ZMAT4: variants seen among roughly 807,000 people sequenced by gnomAD.
The protein encoded by ZMAT4 is zinc finger matrin-type 4, also known as zinc finger matrin-type protein 4.
Under a neutral mutation model 28.7 loss-of-function variants are expected in ZMAT4, and 17 were observed. The observed-to-expected ratio is 0.59, with a 90% CI of 0.41 to 0.89. The LOEUF is 0.89. Among genes scored for constraint, ZMAT4 ranks in the 40% least tolerant of loss-of-function variants. The pLI is 0.00. For synonymous variants in ZMAT4, 117 were observed against 109.2 expected (o/e 1.07, Z -0.44); for missense variants, 240 against 283.8 (o/e 0.85, Z 1.11).
intron 1 of ZMAT4, among the ~76,000 whole-genome samples, chr8:40,882,046 A>G (rs1563264548): frequency 6.6e-6 from 1 of 152,130 alleles, no homozygotes; most frequent in Non-Finnish European, 1.5e-5. Context: ...AAAGGTGAGG[A>G]GGGAGGGCAT....
chr8:40,627,414 G>A lies in ZMAT4; in HGVS notation c.578-46153C>T, dbSNP rs866729566. Among the ~76,000 whole-genome samples the A allele has an allele frequency of 1.1e-4, 17 of 151,936 alleles. No homozygotes were observed. The East Asian group carries it at 1.2e-3, about 10-fold the overall frequency. Reference sequence around the variant, plus strand: ...CACAAACACACACATACACACAAACGTGTATATACATATATGTGTTCATGT... The same window carrying A: ...CACAAACACACACATACACACAAACATGTATATACATATATGTGTTCATGT... On this transcript the variant is annotated intron_variant, in intron 5 of 6. Coordinates refer to ENST00000297737, the MANE Select transcript of ZMAT4 (RefSeq NM_024645.3).
intron 6 of ZMAT4, among the ~76,000 whole-genome samples, chr8:40,554,688 A>AATAT (rs1357618393): frequency 6.6e-6 from 1 of 152,136 alleles, no homozygotes; most frequent in Non-Finnish European, 1.5e-5. Context: ...ATTGATGCAT[A>AATAT]GTATTTTACA....
At chr8:40,611,086 G>A (rs1049632881) in intron 5 of ZMAT4, among the ~76,000 whole-genome samples, 6 of 152,122 alleles carry the variant, frequency 3.9e-5, no homozygotes, top group Admixed American at 1.3e-4. Context: ...AAAAGTTGTG[G>A]AAATTTCGCC....
rs1352111274 is a variant in ZMAT4, at chr8:40,622,784, A to G, written c.578-41523T>C. On this transcript the variant is annotated intron_variant, in intron 5 of 6. Coordinates refer to ENST00000297737, the MANE Select transcript of ZMAT4 (RefSeq NM_024645.3). ...TAAGAATCAATTCTCACTGGAACTA[A>G]CAAGAGCAAGACCTTACTCATTACC... is the stretch of plus-strand genomic sequence containing the variant. Among the ~76,000 whole-genome samples, 7 of 152,306 alleles carry G rather than the reference A, an allele frequency of 4.6e-5. No homozygotes were observed. The East Asian group carries it at 1.4e-3, about 29-fold the overall frequency.
intron 1 of ZMAT4, among the ~76,000 whole-genome samples, chr8:40,851,785 T>G (rs1817116722): frequency 6.6e-6 from 1 of 152,240 alleles, no homozygotes; most frequent in African/African-American, 2.4e-5. Context: ...AATATATTAT[T>G]GCTAACTATA....
At chr8:40,771,272 A>G (rs1175594192) in intron 2 of ZMAT4, among the ~76,000 whole-genome samples, 1 of 151,300 alleles carries the variant, frequency 6.6e-6, no homozygotes, top group Non-Finnish European at 1.5e-5. Context: ...TAAACTCAAA[A>G]CTGCACAGAT....
At chr8:40,741,374 G>T (rs1246566777) in intron 3 of ZMAT4, among the ~76,000 whole-genome samples, 1 of 151,818 alleles carries the variant, frequency 6.6e-6, no homozygotes, top group South Asian at 2.1e-4. Flanking sequence ...TTGAACCTAG[G>T]GGGCAGAGGT....
At chr8:40,685,307 C>T (rs1184197292) in intron 4 of ZMAT4, among the ~76,000 whole-genome samples, 2 of 152,116 alleles carry the variant, frequency 1.3e-5, no homozygotes, top group Non-Finnish European at 2.9e-5. Flanking sequence ...GGCTTGAAGA[C>T]CACACCCCTA....
At position 40,872,192 on chromosome 8, in the gene ZMAT4, T is replaced by C. The variant is rs75587313; in HGVS notation, c.-5+25491A>G. Among the ~76,000 whole-genome samples, 615 of 152,254 alleles carry C rather than the reference T, an allele frequency of 4.0e-3. 4 individuals carry two copies. Among genetic ancestry groups the C allele is most frequent in the Admixed American group, 8.9e-3 (136 of 15,298 alleles). ...CATCCACCGTATTCACAAGTGTACA[T>C]AGTCACACACATGTGCATGCACACA... On this transcript the variant is annotated intron_variant, in intron 1 of 6. Coordinates refer to ENST00000297737, the MANE Select transcript of ZMAT4 (RefSeq NM_024645.3).
At chr8:40,830,771 C>T (rs570034647) in intron 1 of ZMAT4, among the ~76,000 whole-genome samples, 1 of 152,264 alleles carries the variant, frequency 6.6e-6, no homozygotes, top group East Asian at 1.9e-4. Context: ...AGCCCAAAAC[C>T]CATGCAGGGC....
chr8:40,622,431 G>C (rs1176230514), intron 5 of ZMAT4, among the ~76,000 whole-genome samples: 1 of 152,110 alleles, frequency 6.6e-6, no homozygotes, highest in Non-Finnish European at 1.5e-5. Flanking sequence ...GAGTTACGGA[G>C]AAAAAAGAAC....
intron 4 of ZMAT4, among the ~76,000 whole-genome samples, chr8:40,681,137 A>G (rs78795783): frequency 0.012 from 1,753 of 152,256 alleles, 26 homozygotes; most frequent in African/African-American, 0.041. Context: ...TTGATTAATA[A>G]GCAGCAGAGG....
At chr8:40,881,475 GAA>G (rs1259071877) in intron 1 of ZMAT4, among the ~76,000 whole-genome samples, 1 of 141,794 alleles carries the variant, frequency 7.1e-6, no homozygotes, top group Non-Finnish European at 1.5e-5. Flanking sequence ...AAGAAAGAAA[GAA>G]AGAAAGAAAG....
chr8:40,690,920 T>C (rs1809635772), intron 4 of ZMAT4: 1 of 985,124 alleles, frequency 1.0e-6, no homozygotes, highest in African/African-American at 1.7e-5. Flanking sequence ...GCTTATCCGT[T>C]GCTTTTCTTA....
At chr8:40,738,664 C>G (rs866997404) in intron 3 of ZMAT4, among the ~76,000 whole-genome samples, 4 of 152,048 alleles carry the variant, frequency 2.6e-5, no homozygotes, top group Non-Finnish European at 1.5e-5. Context: ...AGTCCTTGCG[C>G]GAAGAGAGGT....
intron 1 of ZMAT4, among the ~76,000 whole-genome samples, chr8:40,872,337 C>A (rs987552813): frequency 3.3e-5 from 5 of 152,210 alleles, no homozygotes; most frequent in African/African-American, 1.2e-4. Context: ...CAGGTGCCAG[C>A]GGAAACATCC....
At chr8:40,882,412 G>T (rs184012126) in intron 1 of ZMAT4, among the ~76,000 whole-genome samples, 2 of 152,156 alleles carry the variant, frequency 1.3e-5, no homozygotes, top group African/African-American at 4.8e-5. Flanking sequence ...TTCTTCCAAA[G>T]AACGCAAAAA....
At chr8:40,586,066 A>G (rs1386367108) in intron 5 of ZMAT4, among the ~76,000 whole-genome samples, 1 of 152,160 alleles carries the variant, frequency 6.6e-6, no homozygotes, top group Non-Finnish European at 1.5e-5. Flanking sequence ...TTGCGATGCA[A>G]ACTACAGGGA....
At chr8:40,846,786 C>T (rs146548382) in intron 1 of ZMAT4, among the ~76,000 whole-genome samples, 35 of 152,234 alleles carry the variant, frequency 2.3e-4, no homozygotes, top group Non-Finnish European at 1.0e-4. Context: ...TGCTACCGTC[C>T]GTTCCAATGT....
Sources: gnomAD v4.1 joint callset for allele counts (sites outside exome capture counted in the v4.1 genomes callset) on GRCh38, gnomAD v4.1.1 for gene constraint, MANE v1.5 for transcripts, NCBI Gene and HGNC (gene_info 2026-07-23, HGNC 2026-07-21) for gene names.